SLCO3A1: variants seen among roughly 807,000 people sequenced by gnomAD.
SLCO3A1 encodes the protein PGE1 transporter.
Under a neutral mutation model 63.1 loss-of-function variants are expected in SLCO3A1, and 27 were observed. The observed-to-expected ratio is 0.43, with a 90% CI of 0.32 to 0.59. SLCO3A1 has a LOEUF of 0.59. Among genes scored for constraint, SLCO3A1 ranks in the 20% least tolerant of loss-of-function variants. The pLI is 0.09. For synonymous variants in SLCO3A1, 473 were observed against 409.9 expected, an observed-to-expected ratio of 1.15 and a Z score of -1.86; for missense variants, 773 against 945.8, an observed-to-expected ratio of 0.82 and a Z score of 2.40.
chr15:92,072,839 C>A (rs916742238), intron 2 of SLCO3A1, among the ~76,000 whole-genome samples: 1 of 152,168 alleles, frequency 6.6e-6, no homozygotes, highest in Non-Finnish European at 1.5e-5. Context: ...TCTCAAGATC[C>A]TTAACTTAAT....
intron 2 of SLCO3A1, among the ~76,000 whole-genome samples, chr15:92,077,654 G>C (rs766295089): frequency 3.3e-5 from 5 of 152,286 alleles, no homozygotes; most frequent in African/African-American, 1.2e-4. Context: ...CTGTAGGTGC[G>C]GGGTGGAGTC....
chr15:92,171,767 C>T (rs1367287052), intron 10 of SLCO3A1: 4 of 1,543,456 alleles, frequency 2.6e-6, no homozygotes, highest in Non-Finnish European at 2.6e-6. Flanking sequence ...CTTCTTCCCT[C>T]CTCCCCCTTT....
rs183514132 is a variant in SLCO3A1 at position 92,032,226 on chromosome 15, G to C, written c.647-62655G>C. Among the ~76,000 whole-genome samples, 6 of 152,312 alleles carry C rather than the reference G, an allele frequency of 3.9e-5. No homozygotes were observed. The East Asian group carries it at 9.6e-4, about 24-fold the overall frequency. On this transcript the variant is annotated intron_variant, in intron 2 of 9. Coordinates refer to ENST00000318445, the MANE Select transcript of SLCO3A1 (RefSeq NM_013272.4). ...TGTCCAGTATTTTCTCAAGCCCAGA[G>C]GGTCACACCATGTGCAGGCGTGTGG... is the stretch of plus-strand genomic sequence containing the variant.
intron 2 of SLCO3A1, among the ~76,000 whole-genome samples, chr15:91,925,148 A>G (rs1418634633): frequency 6.6e-6 from 1 of 152,246 alleles, no homozygotes; most frequent in African/African-American, 2.4e-5. Context: ...GTTCTTAAAA[A>G]AGATTTTGAG....
intron 2 of SLCO3A1, among the ~76,000 whole-genome samples, chr15:92,021,763 G>A (rs970654166): frequency 2.6e-5 from 4 of 152,044 alleles, no homozygotes; most frequent in Non-Finnish European, 4.4e-5. Flanking sequence ...ATACATAGTC[G>A]AGGTACTTTT....
intron 10 of SLCO3A1, chr15:92,171,566 A>C: frequency 1.9e-6 from 1 of 521,182 alleles, no homozygotes. Flanking sequence ...CTTCCCAGAA[A>C]GGATATTTGG....
At chr15:91,969,180 TCGAA>T (rs1283777303) in intron 2 of SLCO3A1, among the ~76,000 whole-genome samples, 1 of 152,228 alleles carries the variant, frequency 6.6e-6, no homozygotes, top group Non-Finnish European at 1.5e-5. Flanking sequence ...TAGATATTTG[TCGAA>T]TGAATGAGTG....
intron 2 of SLCO3A1, among the ~76,000 whole-genome samples, chr15:92,057,149 T>C (rs181661641): frequency 2.6e-5 from 4 of 152,266 alleles, no homozygotes; most frequent in Non-Finnish European, 4.4e-5. Flanking sequence ...CATTCTTAGC[T>C]TTCTGTCATT....
At chr15:91,871,956 G>A (rs1897292700) in intron 1 of SLCO3A1, among the ~76,000 whole-genome samples, 1 of 151,922 alleles carries the variant, frequency 6.6e-6, no homozygotes, top group African/African-American at 2.4e-5. Context: ...CTGTATGGTA[G>A]GTTGCTTATG....
rs1897618503 is a variant in SLCO3A1, at chr15:91,882,605, C to G, written c.180+28517C>G. Among the ~76,000 whole-genome samples, 1 of 152,066 alleles carries G rather than the reference C, an allele frequency of 6.6e-6. No individual in the cohort carries two copies. ...TCTCAGCTCACTGCAACCTCCGCCT[C>G]CCGGGTTCAAGCGATTCTCTTGCTT... On this transcript the variant is annotated intron_variant, in intron 1 of 9. Coordinates refer to ENST00000318445, the MANE Select transcript of SLCO3A1 (RefSeq NM_013272.4). This position sits in a 1 kb window ranked among gnomAD's most constrained non-coding sequence, Gnocchi z 4.4.
intron 2 of SLCO3A1, among the ~76,000 whole-genome samples, chr15:91,973,513 C>T (rs945489959): frequency 1.3e-5 from 2 of 152,140 alleles, no homozygotes; most frequent in Non-Finnish European, 2.9e-5. Context: ...GGTGTATTGT[C>T]TGAGTGTCTA....
intron 6 of SLCO3A1, among the ~76,000 whole-genome samples, chr15:92,126,906 C>T (rs1016790663): frequency 1.3e-5 from 2 of 152,194 alleles, no homozygotes; most frequent in African/African-American, 4.8e-5. Flanking sequence ...CTTGGAAATC[C>T]AGCCTGGAGC....
chr15:91,957,084 G>T (rs1442935990), intron 2 of SLCO3A1, among the ~76,000 whole-genome samples: 13 of 1,008 alleles, frequency 0.013, 1 homozygote, highest in African/African-American at 0.038. Context: ...ATACTATATA[G>T]TATATATAAT....
intron 2 of SLCO3A1, among the ~76,000 whole-genome samples, chr15:91,989,825 A>G (rs1246370940): frequency 6.6e-6 from 1 of 152,254 alleles, no homozygotes; most frequent in African/African-American, 2.4e-5. Flanking sequence ...ACAGTGATAG[A>G]TTATCAAATG....
intron 2 of SLCO3A1, among the ~76,000 whole-genome samples, chr15:92,045,019 G>A (rs373302904): frequency 1.3e-5 from 2 of 152,226 alleles, no homozygotes; most frequent in South Asian, 4.2e-4. Context: ...AAAACATGTT[G>A]TCTGTAATCC....
intron 7 of SLCO3A1, among the ~76,000 whole-genome samples, chr15:92,136,232 A>C (rs537890599): frequency 2.0e-5 from 3 of 152,332 alleles, no homozygotes; most frequent in African/African-American, 7.2e-5. Context: ...AAGGCTCGTA[A>C]TACAAATATC....
intron 2 of SLCO3A1, among the ~76,000 whole-genome samples, chr15:92,021,643 T>C (rs2046510748): frequency 6.6e-6 from 1 of 152,074 alleles, no homozygotes; most frequent in Non-Finnish European, 1.5e-5. Context: ...CATTTATCAT[T>C]CATGAGAGGC....
chr15:92,122,105 C>T, intron 5 of SLCO3A1, among the ~76,000 whole-genome samples: 1 of 152,068 alleles, frequency 6.6e-6, no homozygotes, highest in East Asian at 1.9e-4. Flanking sequence ...AAGACTTGAG[C>T]AGGTTTCTCA....
intron 7 of SLCO3A1, among the ~76,000 whole-genome samples, chr15:92,142,755 C>G (rs2048151093): frequency 6.6e-6 from 1 of 152,106 alleles, no homozygotes; most frequent in African/African-American, 2.4e-5. Context: ...CAGCTGTAGC[C>G]TGAGATAAAG....
Sources: allele counts gnomAD v4.1 joint callset (sites outside exome capture counted in the v4.1 genomes callset), GRCh38; gene constraint gnomAD v4.1.1; non-coding constraint Gnocchi (gnomAD v3.1); transcripts MANE v1.5; gene names NCBI Gene and HGNC (gene_info 2026-07-23, HGNC 2026-07-21).